FLT4: variants seen among roughly 807,000 people sequenced by gnomAD.
FLT4 encodes fms related receptor tyrosine kinase 4.
Under a neutral mutation model 163.2 loss-of-function variants are expected in FLT4, and 30 were observed. That is an observed-to-expected ratio of 0.18 (90% CI 0.14 to 0.25). The LOEUF is 0.25. Among genes scored for constraint, FLT4 ranks in the 10% least tolerant of loss-of-function variants. The probability of loss-of-function intolerance (pLI) is 1.00; values close to 1 mark genes in which losing one functional copy is unlikely to be tolerated. For synonymous variants in FLT4, 884 were observed against 789.5 expected (o/e 1.12, Z -2.01); for missense variants, 1,510 against 1,863.8 (o/e 0.81, Z 3.50).
chr5:180,641,622 C>G (rs1765107188), intron 1 of FLT4, among the ~76,000 whole-genome samples: 1 of 152,196 alleles, frequency 6.6e-6, no homozygotes, highest in Admixed American at 6.5e-5. Context: ...GGGGCCAGGC[C>G]TCTGCAGGGA....
At chr5:180,619,564 T>C in intron 18 of FLT4, 101 bp downstream of exon 18, 1 of 1,079,198 alleles carries the variant, frequency 9.3e-7, no homozygotes, top group East Asian at 2.4e-5. Flanking sequence ...GAGACTGGCT[T>C]CCAGCCTCAG....
chr5:180,639,599 AGATG>A (rs1764949670), intron 1 of FLT4, among the ~76,000 whole-genome samples: 1 of 152,042 alleles, frequency 6.6e-6, no homozygotes, highest in African/African-American at 2.4e-5. Flanking sequence ...GATGGAAAGT[AGATG>A]GATGGATGGC....
chr5:180,632,328 G>C (rs997519941), intron 1 of FLT4, among the ~76,000 whole-genome samples: 2 of 139,862 alleles, frequency 1.4e-5, no homozygotes, highest in Non-Finnish European at 3.3e-5. Flanking sequence ...CCCAGGCCAC[G>C]TGGTGTCACC....
chr5:180,624,928 A>G (rs1330158113), intron 10 of FLT4, among the ~76,000 whole-genome samples: 2 of 152,222 alleles, frequency 1.3e-5, no homozygotes, highest in Non-Finnish European at 2.9e-5. Flanking sequence ...CTTGGCACAG[A>G]GCATACAGGT....
Position 180,621,539 on chromosome 5 carries a change from C to T in FLT4, c.2020+3G>A, listed in dbSNP as rs2127816287. On this transcript the variant is annotated splice_donor_region_variant and intron_variant, in intron 13 of 29. Coordinates refer to ENST00000261937, the MANE Select transcript of FLT4 (RefSeq NM_182925.5). Reference sequence around the variant, plus strand: ...TCCCCGCCCTCCCCGCGGCCAGCCTCACCCTGCACCGACAGGTACTTCTTG... The same window carrying T: ...TCCCCGCCCTCCCCGCGGCCAGCCTTACCCTGCACCGACAGGTACTTCTTG... The T allele has an allele frequency of 1.9e-6, 3 of 1,611,788 alleles. No individual in the cohort carries two copies. Among genetic ancestry groups the T allele is most frequent in the South Asian group, 2.2e-5 (2 of 91,010 alleles).
At chr5:180,644,905 A>G (rs1018305244) in intron 1 of FLT4, among the ~76,000 whole-genome samples, 26 of 152,240 alleles carry the variant, frequency 1.7e-4, no homozygotes, top group Non-Finnish European at 2.8e-4. Flanking sequence ...GAACGAAGCC[A>G]TCACCTGCCC....
chr5:180,616,904 C>T lies in FLT4; in HGVS notation c.3092G>A (p.Arg1031Gln), dbSNP rs56082504. The T allele has an allele frequency of 9.3e-6, 15 of 1,612,606 alleles. No homozygotes were observed. The Admixed American group carries it at 1.0e-4, about 11-fold the overall frequency. Residue 1031 changes from arginine (R) to glutamine (Q), a missense_variant, in exon 22 of 30, where the codon CGA becomes CAA. By Grantham distance (43) the Arg-to-Gln change is conservative (BLOSUM62 1). This residue lies in a region of FLT4 where 878 missense variants were observed against 1,016.7 expected (regional missense o/e 0.86). Transcript: ENST00000261937. ...GGGCCTTCGGGGGAAGCTCACCTTT[C>T]GGGAAGCCAGGAACTCCATCCCTCT... ...VARGMEFLASRKCIHRDLAAR... is the reference protein window; with the variant it reads ...VARGMEFLASQKCIHRDLAAR...
intron 1 of FLT4, among the ~76,000 whole-genome samples, chr5:180,632,437 C>A (rs1764255511): frequency 6.6e-6 from 1 of 152,210 alleles, no homozygotes; most frequent in South Asian, 2.1e-4. Context: ...CCTCCCTAGA[C>A]ACCCCCAGGT....
chr5:180,604,896 T>C (rs981940168), intron 29 of FLT4, among the ~76,000 whole-genome samples: 4 of 152,260 alleles, frequency 2.6e-5, no homozygotes, highest in Admixed American at 1.3e-4. Flanking sequence ...CCATCCTCTG[T>C]GTCTGGCACT....
chr5:180,632,601 T>G (rs140094630), intron 1 of FLT4, among the ~76,000 whole-genome samples: 1 of 702 alleles, frequency 1.4e-3, no homozygotes, highest in African/African-American at 1.7e-3. Flanking sequence ...CGTGAGGTGG[T>G]GTGTGTGTGT....
chr5:180,642,841 C>A (rs140102688), intron 1 of FLT4, among the ~76,000 whole-genome samples: 14 of 152,326 alleles, frequency 9.2e-5, no homozygotes, highest in South Asian at 2.1e-4. Flanking sequence ...GGCAAATTCT[C>A]CAAATTCTCC....
chr5:180,621,735 G>A lies in FLT4; in HGVS notation c.1827C>T (p.Asp609=). The change falls in exon 13 of 30, where the codon GAC becomes GAT. Residue 609 remains aspartate, a synonymous_variant. Coordinates refer to ENST00000261937, the MANE Select transcript of FLT4 (RefSeq NM_182925.5). ...HDAHGNPLLL[D]CKNVHLFATP... Reference sequence around the variant, plus strand: ...TGGCGAACAGATGCACGTTCTTGCAGTCGAGCAGAAGCGGGTTCCCGTGCG... The same window carrying A: ...TGGCGAACAGATGCACGTTCTTGCAATCGAGCAGAAGCGGGTTCCCGTGCG... 6.2e-7 allele frequency: 1 copy of A among 1,613,068 alleles called. No homozygotes were observed. Among genetic ancestry groups the A allele is most frequent in the Non-Finnish European group, 8.5e-7 (1 of 1,179,970 alleles).
Position 180,613,128 on chromosome 5 carries a change from AGGT to A in FLT4, c.3332-21_3332-19del, listed in dbSNP as rs756078296. On this transcript the variant is annotated intron_variant, in intron 24 of 29. Coordinates refer to ENST00000261937, the MANE Select transcript of FLT4 (RefSeq NM_182925.5). The stretch of plus-strand genomic sequence containing the variant: ...GGAGGCCCCTGACAACAGGAAGGGG[AGGT>A]GGGTGGGGAGCAAGCCTCCTGCGGC... 30 of 1,584,000 alleles carry A rather than the reference AGGT, an allele frequency of 1.9e-5. No homozygotes were observed. The highest frequency in any genetic ancestry group is 2.6e-5 in the Non-Finnish European group (30 of 1,154,434).
At position 180,611,669 on chromosome 5, in the gene FLT4, CT is replaced by C. The variant is rs1465454202; in HGVS notation, c.3538-191del. 25 of 605,906 alleles carry C rather than the reference CT, an allele frequency of 4.1e-5. No individual in the cohort carries two copies. The East Asian group carries it at 7.1e-4, about 17-fold the overall frequency. 37.5% of individuals were successfully genotyped at this position (605,906 alleles called of 1,614,324 possible). A position where few individuals can be genotyped will look rare whatever the true frequency, so the allele number is the denominator to read the frequency against. ...CGCTCTGCCCTCGGGACTGCTTGGG[CT>C]CCTGACCCCTGAGATAGGGCCCTAA... On this transcript the variant is annotated intron_variant, in intron 26 of 29. Coordinates refer to ENST00000261937, the MANE Select transcript of FLT4 (RefSeq NM_182925.5).
rs2242208 is a variant in FLT4, at chr5:180,622,907, G to A, written c.1549-68C>T. ...CTCCCAACCTGGGCCCTGTCTTTCT[G>A]CAAGGAGGTCGCTGTGCACCACCCC... On this transcript the variant is annotated intron_variant, in intron 11 of 29. Transcript: ENST00000261937. The A allele has an allele frequency of 0.045, 48,181 of 1,069,728 alleles. 1,698 individuals are homozygous for A. The highest frequency in any genetic ancestry group is 0.18 in the East Asian group (7,359 of 41,778). 66.3% of individuals were successfully genotyped at this position (1,069,728 alleles called of 1,614,324 possible).
At chr5:180,634,632 T>C (rs1251666350) in intron 1 of FLT4, among the ~76,000 whole-genome samples, 1 of 141,268 alleles carries the variant, frequency 7.1e-6, no homozygotes, top group Non-Finnish European at 1.5e-5. Flanking sequence ...GAGGCGGAGC[T>C]TGCAGTGAGT....
chr5:180,609,877 C>T (rs751147187), intron 28 of FLT4, 28 bp downstream of exon 28: 45 of 1,613,618 alleles, frequency 2.8e-5, no homozygotes, highest in African/African-American at 1.5e-4. Context: ...GAGCCGAGAG[C>T]GCAGCCCCCA....
At chr5:180,632,243 T>A (rs1166845315) in intron 1 of FLT4, among the ~76,000 whole-genome samples, 1 of 151,682 alleles carries the variant, frequency 6.6e-6, no homozygotes, top group African/African-American at 2.4e-5. Flanking sequence ...CACGCAGGCC[T>A]CGCCCCCTCC....
At chr5:180,627,432 C>T (rs1763714877) in intron 8 of FLT4, among the ~76,000 whole-genome samples, 1 of 152,198 alleles carries the variant, frequency 6.6e-6, no homozygotes, top group Non-Finnish European at 1.5e-5. Context: ...TCCTTCATTG[C>T]CTCAATGGAG....
Sources: gnomAD v4.1 joint callset for allele counts (sites outside exome capture counted in the v4.1 genomes callset) on GRCh38, gnomAD v4.1.1 for gene constraint, gnomAD v4.1.1 regional missense constraint, MANE v1.5 for transcripts, NCBI Gene and HGNC (gene_info 2026-07-23, HGNC 2026-07-21) for gene names.